The following RNF216 variants were observed in gnomAD, a reference collection of about 807,000 sequenced individuals.
RNF216 encodes ring finger protein 216.
In RNF216, 72 loss-of-function variants were observed where a neutral mutation model predicts 110.8. The observed-to-expected ratio is 0.65, with a 90% confidence interval of 0.54 to 0.79. The LOEUF is 0.79. Among genes scored for constraint, RNF216 ranks in the 30% least tolerant of loss-of-function variants. The pLI is 0.00. For synonymous variants in RNF216, 495 were observed against 407.5 expected, an observed-to-expected ratio of 1.21 and a Z score of -2.59; for missense variants, 1,342 against 1,141.2, an observed-to-expected ratio of 1.18 and a Z score of -2.54.
chr7:5,684,785 T>C (rs917928450), intron 13 of RNF216, among the ~76,000 whole-genome samples: 1 of 152,156 alleles, frequency 6.6e-6, no homozygotes, highest in Non-Finnish European at 1.5e-5. Flanking sequence ...AACTTTACCT[T>C]TACAGAGTTC....
intron 14 of RNF216, among the ~76,000 whole-genome samples, chr7:5,641,893 C>A (rs993948546): frequency 6.6e-6 from 1 of 151,664 alleles, no homozygotes; most frequent in African/African-American, 2.4e-5. Context: ...ATTTGCCAGG[C>A]GTGGTAGTGC....
chr7:5,628,673 C>CA (rs956825407), intron 15 of RNF216, among the ~76,000 whole-genome samples: 7 of 148,810 alleles, frequency 4.7e-5, no homozygotes, highest in Non-Finnish European at 8.9e-5. Flanking sequence ...AGGCGCCCAC[C>CA]ACCATATCTG....
intron 9 of RNF216, among the ~76,000 whole-genome samples, chr7:5,718,748 T>A (rs1371244271): frequency 6.6e-6 from 1 of 152,122 alleles, no homozygotes; most frequent in African/African-American, 2.4e-5. Flanking sequence ...AGTTTTGCCA[T>A]GTTGGTCAGG....
At chr7:5,698,404 CACACACACACAT>C (rs997109500) in intron 13 of RNF216, among the ~76,000 whole-genome samples, 3 of 147,588 alleles carry the variant, frequency 2.0e-5, no homozygotes, top group African/African-American at 8.0e-5. Flanking sequence ...CACACACACA[CACACACACACAT>C]ACACACACAC....
At chr7:5,745,264 G>C (rs772581208) in intron 3 of RNF216, among the ~76,000 whole-genome samples, 15 of 152,188 alleles carry the variant, frequency 9.9e-5, no homozygotes, top group African/African-American at 3.6e-4. Flanking sequence ...TGCTGAAATT[G>C]AATGTAACAG....
chr7:5,707,721 T>G (rs1482686653), intron 13 of RNF216, among the ~76,000 whole-genome samples: 5 of 125,966 alleles, frequency 4.0e-5, no homozygotes, highest in East Asian at 2.0e-4. Flanking sequence ...GTGTGTGGTT[T>G]TTTTTTTTTT....
At chr7:5,673,216 A>G (rs1182319395) in intron 13 of RNF216, among the ~76,000 whole-genome samples, 2 of 152,176 alleles carry the variant, frequency 1.3e-5, no homozygotes, top group Non-Finnish European at 2.9e-5. Context: ...GTGGTTATTG[A>G]GATTCTTCTA....
intron 13 of RNF216, among the ~76,000 whole-genome samples, chr7:5,693,524 G>C (rs892672010): frequency 6.6e-6 from 1 of 152,198 alleles, no homozygotes; most frequent in Non-Finnish European, 1.5e-5. Context: ...GACATTTGAG[G>C]AAGGAAAGAG....
chr7:5,731,329 A>G (rs1037285951), intron 5 of RNF216, among the ~76,000 whole-genome samples: 1 of 152,248 alleles, frequency 6.6e-6, no homozygotes, highest in African/African-American at 2.4e-5. Context: ...GGTAATAATA[A>G]AGCTCTATGA....
Position 5,735,884 on chromosome 7 carries a change from CAGG to C in RNF216, c.1121+3389_1121+3391del, listed in dbSNP as rs1326848921. On this transcript the variant is annotated intron_variant, in intron 5 of 16. Transcript: ENST00000389902. ...CCGAGGCAGATGGATCACCTGAGGT[CAGG>C]AGTTCAAGACCAGCCTGGCCAACAT... Among the ~76,000 whole-genome samples the C allele has an allele frequency of 3.9e-5, 6 of 152,170 alleles. No homozygotes were observed. In the East Asian group the frequency reaches 1.2e-3, roughly 29 times the overall value.
chr7:5,750,771 T>TA, intron 3 of RNF216, among the ~76,000 whole-genome samples: 1 of 152,336 alleles, frequency 6.6e-6, no homozygotes, highest in East Asian at 1.9e-4. Flanking sequence ...TTTCCTTACT[T>TA]ATGCCTCTCA....
intron 13 of RNF216, among the ~76,000 whole-genome samples, chr7:5,691,271 T>C (rs1464684507): frequency 2.0e-5 from 3 of 152,206 alleles, no homozygotes; most frequent in Non-Finnish European, 4.4e-5. Context: ...GACGGCAGCA[T>C]TTGACTGCTA....
At chr7:5,661,482 G>T (rs1293393489) in intron 13 of RNF216, among the ~76,000 whole-genome samples, 1 of 152,202 alleles carries the variant, frequency 6.6e-6, no homozygotes, top group Admixed American at 6.5e-5. Flanking sequence ...CTACAGGGAA[G>T]TACTGGAGAA....
Position 5,694,808 on chromosome 7 carries a change from A to G in RNF216, c.2061+16953T>C, listed in dbSNP as rs73339967. On this transcript the variant is annotated intron_variant, in intron 13 of 16. Transcript: ENST00000389902. ...CAGAAATTTTACAGCCACTCTCTCAAAGTGTTCTAGGTGTTGTCAAAATAG... is the reference window on the plus strand; with the variant it reads ...CAGAAATTTTACAGCCACTCTCTCAGAGTGTTCTAGGTGTTGTCAAAATAG... 5.7e-3 allele frequency among the ~76,000 whole-genome samples: 873 copies of G among 152,214 alleles called. 10 individuals are homozygous for G. The highest frequency in any genetic ancestry group is 0.02 in the African/African-American group (826 of 41,526).
rs1249137142 is a variant in RNF216, at chr7:5,622,950, C to T, written c.2682G>A (p.Val894=). The change falls in exon 17 of 17, where the codon GTG becomes GTA. Residue 894 remains valine (V), a synonymous_variant. Coordinates refer to ENST00000389902, the MANE Select transcript of RNF216 (RefSeq NM_207111.4). ...TGGGACCGAAGTCATAGTTGACCCG[C>T]ACGTTGGGCAGAGGGGGCACGTACG... ...PAPYVPPLPN[V]RVNYDFGPIH... 6.2e-7 allele frequency: 1 copy of T among 1,613,986 alleles called. No homozygotes were observed. Among genetic ancestry groups the T allele is most frequent in the Admixed American group, 1.7e-5 (1 of 60,020 alleles).
chr7:5,716,483 A>G (rs1020597571), intron 10 of RNF216, among the ~76,000 whole-genome samples: 2 of 152,126 alleles, frequency 1.3e-5, no homozygotes, highest in African/African-American at 4.8e-5. Context: ...GATGAATGTC[A>G]GGTAATGATT....
intron 13 of RNF216, among the ~76,000 whole-genome samples, chr7:5,682,375 C>T (rs1391376842): frequency 6.6e-6 from 1 of 151,900 alleles, no homozygotes; most frequent in South Asian, 2.1e-4. Context: ...AATCTCTGGC[C>T]TAAAGGAGAG....
At chr7:5,709,172 C>CA (rs1792498114) in intron 13 of RNF216, among the ~76,000 whole-genome samples, 1 of 152,128 alleles carries the variant, frequency 6.6e-6, no homozygotes, top group East Asian at 1.9e-4. Context: ...CATTTGTCCT[C>CA]AGAGGTCCCC....
chr7:5,762,770 C>T (rs993826909), intron 1 of RNF216, among the ~76,000 whole-genome samples: 5 of 152,066 alleles, frequency 3.3e-5, no homozygotes, highest in African/African-American at 1.2e-4. Context: ...AGGACAGTGA[C>T]TATTTCTGGG....
Sources: gnomAD v4.1 joint callset for allele counts (sites outside exome capture counted in the v4.1 genomes callset) on GRCh38, gnomAD v4.1.1 for gene constraint, MANE v1.5 for transcripts, NCBI Gene and HGNC (gene_info 2026-07-23, HGNC 2026-07-21) for gene names.